Variants in NAA60 observed in about 807,000 individuals in gnomAD.
NAA60 encodes N-alpha-acetyltransferase 60, NatF catalytic subunit, also known as N-alpha-acetyltransferase 60.
In NAA60, 8 loss-of-function variants were observed where a neutral mutation model predicts 26.1. The ratio of observed to expected loss-of-function variants is 0.31; its 90% CI spans 0.18 to 0.55. NAA60 has a LOEUF of 0.55. NAA60 is among the 20% of genes least tolerant of loss of function. The pLI, the probability that NAA60 is intolerant of heterozygous loss-of-function variation, is 0.93. For missense variants in NAA60, 290 were observed against 311.3 expected (o/e 0.93, Z 0.51); for synonymous variants, 131 against 122.5 (o/e 1.07, Z -0.46).
rs754926864 is a variant in NAA60, at chr16:3,476,260, C to G, written c.33C>G (p.Ser11Arg). The G allele has an allele frequency of 1.9e-6, 3 of 1,613,820 alleles. No individual in the cohort carries two copies. Among genetic ancestry groups the G allele is most frequent in the African/African-American group, 2.7e-5 (2 of 75,062 alleles). The change falls in exon 3 of 8, where the codon AGC becomes AGG. Residue 11 changes from serine to arginine, a missense_variant. Ser to Arg is a moderately radical substitution (Grantham distance 110). Transcript: ENST00000407558. MTEVVPSSAL[S>R]EVSLRLLCHD... The stretch of plus-strand genomic sequence containing the variant: ...AGGTGGTGCCATCCAGCGCGCTCAG[C>G]GAGGTCAGCCTGCGCCTCCTCTGCC...
At chr16:3,461,957 C>T (rs1307767849) in intron 2 of NAA60, among the ~76,000 whole-genome samples, 1 of 151,932 alleles carries the variant, frequency 6.6e-6, no homozygotes, top group Admixed American at 6.6e-5. Context: ...CATGGTGGTG[C>T]GCATCTGTCA....
intron 2 of NAA60, among the ~76,000 whole-genome samples, chr16:3,466,703 G>C (rs549877594): frequency 6.6e-6 from 1 of 152,186 alleles, no homozygotes; most frequent in East Asian, 1.9e-4. Flanking sequence ...CAGAAGCCTG[G>C]TGTGCTAACG....
intron 4 of NAA60, 59 bp downstream of exon 4, chr16:3,479,659 G>A (rs2036701407): frequency 3.8e-6 from 6 of 1,579,902 alleles, no homozygotes; most frequent in South Asian, 1.1e-5. Context: ...GGCCAAGGGG[G>A]CTTGCGATGG....
intron 5 of NAA60, 64 bp downstream of exon 5, chr16:3,482,662 C>A (rs2036920777): frequency 9.0e-7 from 1 of 1,107,438 alleles, no homozygotes. Flanking sequence ...CCACCCCCAT[C>A]CCATCTGCAC....
At position 3,450,037 on chromosome 16, in the gene NAA60, AGAGAAAAG is replaced by A. The variant is rs1353048472; in HGVS notation, c.-7+1498_-7+1505del. The A allele has an allele frequency of 4.5e-5, 14 of 314,204 alleles. No homozygotes were observed. The East Asian group carries it at 5.1e-4, about 11-fold the overall frequency. 19.5% of individuals were successfully genotyped at this position (314,204 alleles called of 1,614,324 possible). On this transcript the variant is annotated intron_variant, in intron 2 of 7. Coordinates refer to ENST00000407558, the MANE Select transcript of NAA60 (RefSeq NM_001083601.3). ...CAGACTAATACATCGTCTCAAAAAA[AGAGAAAAG>A]AAGAAGAAGGAACTAAAGAAGAATT... is the stretch of plus-strand genomic sequence containing the variant.
chr16:3,485,873 AG>A lies in NAA60; in HGVS notation c.*615del. On this transcript the variant is annotated 3_prime_UTR_variant, in exon 8 of 8. Coordinates refer to ENST00000407558, the MANE Select transcript of NAA60 (RefSeq NM_001083601.3). Reference sequence around the variant, plus strand: ...CTTTCCTCGCAAGCACAGAGCTCTGAGGCTCAGCCCCCTGGCACAGGCGGTC... The same window carrying A: ...CTTTCCTCGCAAGCACAGAGCTCTGAGCTCAGCCCCCTGGCACAGGCGGTC... 2.8e-6 allele frequency: 1 copy of A among 356,758 alleles called. No individual in the cohort carries two copies. Among genetic ancestry groups the A allele is most frequent in the South Asian group, 2.1e-5 (1 of 48,278 alleles). 22.1% of individuals were successfully genotyped at this position (356,758 alleles called of 1,614,324 possible). A position where few individuals can be genotyped will look rare whatever the true frequency, so the allele number is the denominator to read the frequency against.
Position 3,474,773 on chromosome 16 carries a change from G to T in NAA60, c.-6-1449G>T, listed in dbSNP as rs76393597. ...CCTTTCCTGATTGTTGTTTGACTCC[G>T]TCATTTCTGTTGGTGATTCCAAAAT... On this transcript the variant is annotated intron_variant, in intron 2 of 7. Coordinates refer to ENST00000407558, the MANE Select transcript of NAA60 (RefSeq NM_001083601.3). Among the ~76,000 whole-genome samples the T allele has an allele frequency of 2.6e-3, 397 of 152,312 alleles. 1 individual carries two copies. Among genetic ancestry groups the T allele is most frequent in the African/African-American group, 8.4e-3 (349 of 41,568 alleles).
intron 2 of NAA60, 30 bp downstream of exon 2, chr16:3,448,570 T>C: frequency 6.6e-7 from 1 of 1,518,896 alleles, no homozygotes; most frequent in South Asian, 1.2e-5. Flanking sequence ...GTCCTGCTAT[T>C]AATGATGCCC....
At chr16:3,460,151 G>T (rs1426795490) in intron 2 of NAA60, among the ~76,000 whole-genome samples, 2 of 152,176 alleles carry the variant, frequency 1.3e-5, no homozygotes, top group Non-Finnish European at 2.9e-5. Context: ...AGTTAGGGCA[G>T]TGCATGGCCT....
At chr16:3,469,840 C>G (rs1281423777) in intron 2 of NAA60, among the ~76,000 whole-genome samples, 2 of 152,228 alleles carry the variant, frequency 1.3e-5, no homozygotes, top group African/African-American at 4.8e-5. Context: ...ACAGGTGTTG[C>G]ATGAAGCCAT....
rs2034828229 is a variant in NAA60, at chr16:3,452,614, G to A, written c.-7+4074G>A. Among the ~76,000 whole-genome samples, 4 of 150,422 alleles carry A rather than the reference G, an allele frequency of 2.7e-5. No homozygotes were observed. In the South Asian group the frequency reaches 8.4e-4, roughly 32 times the overall value. Reference sequence around the variant, plus strand: ...GAAGTTGCAGTGAGCCAAAGATTGTGTCACACTCCAGCCGGAGGGGCAGAG... The same window carrying A: ...GAAGTTGCAGTGAGCCAAAGATTGTATCACACTCCAGCCGGAGGGGCAGAG... On this transcript the variant is annotated intron_variant, in intron 2 of 7. Coordinates refer to ENST00000407558, the MANE Select transcript of NAA60 (RefSeq NM_001083601.3).
chr16:3,483,298 C>T (rs916991208), intron 5 of NAA60, 65 bp from the exon 6 acceptor site: 2 of 1,228,894 alleles, frequency 1.6e-6, no homozygotes, highest in Non-Finnish European at 2.3e-6. Flanking sequence ...AAGCCCCCAT[C>T]CTAGCCCAGT....
Position 3,485,611 on chromosome 16 carries a change from GC to G in NAA60, c.*352del. The G allele has an allele frequency of 2.2e-6, 1 of 456,386 alleles. No individual in the cohort carries two copies. The highest frequency in any genetic ancestry group is 4.4e-6 in the Non-Finnish European group (1 of 226,800). The allele number at this position is 456,386 out of a possible 1,614,324, so 28.3% of individuals were successfully genotyped here. A position where few individuals can be genotyped will look rare whatever the true frequency, so the allele number is the denominator to read the frequency against. The stretch of plus-strand genomic sequence containing the variant: ...GCCCTCACTGGGCCTCTCCCACTCC[GC>G]TGCCTGTTCTTGCAGCTCCTTCCTG... On this transcript the variant is annotated 3_prime_UTR_variant, in exon 8 of 8. Transcript: ENST00000407558.
chr16:3,448,600 A>G, intron 2 of NAA60, 60 bp downstream of exon 2: 1 of 1,405,292 alleles, frequency 7.1e-7, no homozygotes, highest in Non-Finnish European at 9.6e-7. Context: ...GAGGAAGCCT[A>G]CTTAAGTGAA....
At chr16:3,449,880 A>G (rs981208399) in intron 2 of NAA60, 2 of 385,792 alleles carry the variant, frequency 5.2e-6, no homozygotes, top group South Asian at 1.4e-4. Flanking sequence ...GTCTGCCACC[A>G]TGTGAGACAT....
chr16:3,476,501 C>T (rs2036493556), intron 3 of NAA60, among the ~76,000 whole-genome samples, 164 bp downstream of exon 3: 1 of 152,190 alleles, frequency 6.6e-6, no homozygotes, highest in Non-Finnish European at 1.5e-5. Flanking sequence ...ATCTAGGGAC[C>T]CCTGCTGCTG....
At chr16:3,462,092 A>AAAAAAAC (rs1246936815) in intron 2 of NAA60, among the ~76,000 whole-genome samples, 6 of 151,652 alleles carry the variant, frequency 4.0e-5, no homozygotes, top group African/African-American at 1.5e-4. Context: ...ATATCAAAAA[A>AAAAAAAC]AAAAAAAAAA....
At chr16:3,459,161 G>A (rs1368940869) in intron 2 of NAA60, among the ~76,000 whole-genome samples, 1 of 152,204 alleles carries the variant, frequency 6.6e-6, no homozygotes, top group African/African-American at 2.4e-5. Flanking sequence ...GAACTGGAGA[G>A]AACATTGCCG....
At chr16:3,455,832 TA>T (rs1054751285) in intron 2 of NAA60, among the ~76,000 whole-genome samples, 1 of 151,870 alleles carries the variant, frequency 6.6e-6, no homozygotes, top group African/African-American at 2.4e-5. Flanking sequence ...CTCAGCCTTT[TA>T]GTAGCTGGGA....
Sources: gnomAD v4.1 joint callset for allele counts (sites outside exome capture counted in the v4.1 genomes callset) on GRCh38, gnomAD v4.1.1 for gene constraint, MANE v1.5 for transcripts, NCBI Gene and HGNC (gene_info 2026-07-23, HGNC 2026-07-21) for gene names.